C13orf42: variants seen among roughly 807,000 people sequenced by gnomAD.
The protein encoded by C13orf42 is uncharacterized protein C13orf42.
chr13:51,084,677 G>A (rs1372397251), intron 3 of C13orf42, among the ~76,000 whole-genome samples: 1 of 152,254 alleles, frequency 6.6e-6, no homozygotes, highest in Admixed American at 6.5e-5. Context: ...GGCTTGACAG[G>A]CCCTTCCGTT....
At chr13:51,132,541 T>C (rs368920546) in intron 1 of C13orf42, among the ~76,000 whole-genome samples, 11 of 152,298 alleles carry the variant, frequency 7.2e-5, no homozygotes, top group African/African-American at 2.6e-4. Context: ...TGAGTGTCCC[T>C]CAACATACTT....
chr13:51,122,513 G>A (rs184872636), intron 1 of C13orf42, among the ~76,000 whole-genome samples: 9 of 145,144 alleles, frequency 6.2e-5, no homozygotes, highest in African/African-American at 7.7e-5. Flanking sequence ...CAGCCTGGGC[G>A]ACAGAGCAAG....
intron 1 of C13orf42, among the ~76,000 whole-genome samples, chr13:51,139,865 G>C (rs565580587): frequency 1.3e-5 from 2 of 152,196 alleles, no homozygotes; most frequent in East Asian, 3.8e-4. Context: ...TAGCCATTTT[G>C]TTATTCCTTT....
intron 1 of C13orf42, among the ~76,000 whole-genome samples, chr13:51,148,593 A>AG (rs1169728189): frequency 1.1e-4 from 16 of 152,178 alleles, no homozygotes; most frequent in Non-Finnish European, 1.9e-4. Flanking sequence ...GTCCCCCTGG[A>AG]GGGGGGTCCA....
At chr13:51,086,513 AGTGT>A (rs138993415) in intron 2 of C13orf42, among the ~76,000 whole-genome samples, 11 of 150,536 alleles carry the variant, frequency 7.3e-5, no homozygotes, top group African/African-American at 2.2e-4. Context: ...TGAGAGAGAG[AGTGT>A]GTGTGTGTGT....
intron 1 of C13orf42, chr13:51,161,907 A>G: frequency 2.0e-6 from 1 of 494,498 alleles, no homozygotes; most frequent in Admixed American, 2.0e-5. Context: ...GCATCCAAAC[A>G]GCAGGTAAAG....
chr13:51,088,521 T>C (rs559980220), intron 1 of C13orf42, among the ~76,000 whole-genome samples: 1 of 152,290 alleles, frequency 6.6e-6, no homozygotes, highest in South Asian at 2.1e-4. Flanking sequence ...AACTCAATTG[T>C]ACATTTTTAA....
intron 1 of C13orf42, among the ~76,000 whole-genome samples, chr13:51,148,124 C>T (rs896252933): frequency 1.3e-5 from 2 of 152,168 alleles, no homozygotes; most frequent in Non-Finnish European, 2.9e-5. Flanking sequence ...ATGTGATTTC[C>T]GTAAAATCCC....
intron 1 of C13orf42, among the ~76,000 whole-genome samples, chr13:51,106,625 G>T (rs1953358920): frequency 6.6e-6 from 1 of 152,142 alleles, no homozygotes; most frequent in African/African-American, 2.4e-5. Flanking sequence ...TTTGGAGGGT[G>T]ATTAGAAGTC....
chr13:51,085,109 C>A (rs992506199), intron 3 of C13orf42, among the ~76,000 whole-genome samples: 1 of 151,404 alleles, frequency 6.6e-6, no homozygotes, highest in East Asian at 1.9e-4. Context: ...AAGTTAGGAG[C>A]AGTGCACCAG....
chr13:51,135,092 C>A (rs1953647643), intron 1 of C13orf42, among the ~76,000 whole-genome samples: 1 of 152,178 alleles, frequency 6.6e-6, no homozygotes, highest in South Asian at 2.1e-4. Context: ...CTCTTGGGAG[C>A]CAGTTTTCAG....
At chr13:51,112,073 T>C (rs1953441452), upstream of C13orf42, among the ~76,000 whole-genome samples, 1 of 152,254 alleles carries the variant, frequency 6.6e-6, no homozygotes, top group African/African-American at 2.4e-5. Context: ...AGACATAAAC[T>C]GTTTTTTCAA....
rs981830638 is a variant in C13orf42 at position 51,127,093 on chromosome 13, G to T, written n.137-13871C>A. Among the ~76,000 whole-genome samples the T allele has an allele frequency of 6.6e-5, 10 of 152,216 alleles. No homozygotes were observed. In the East Asian group the frequency reaches 1.9e-3, roughly 29 times the overall value. On this transcript the variant is annotated intron_variant and non_coding_transcript_variant, in intron 1 of 4. Transcript: ENST00000433280. Reference sequence around the variant, plus strand: ...CAGGCAGGAGGATTACTTGAGCCAGGGAGGACAAGGCTACAGTGAGCTGTG... The same window carrying T: ...CAGGCAGGAGGATTACTTGAGCCAGTGAGGACAAGGCTACAGTGAGCTGTG...
At chr13:51,100,783 T>C (rs1953282117) in intron 1 of C13orf42, among the ~76,000 whole-genome samples, 1 of 152,170 alleles carries the variant, frequency 6.6e-6, no homozygotes. Context: ...TAAAAAATAA[T>C]GACCTTTGGC....
intron 1 of C13orf42, among the ~76,000 whole-genome samples, chr13:51,121,534 T>A (rs1227747633): frequency 2.6e-5 from 3 of 114,494 alleles, no homozygotes; most frequent in African/African-American, 8.1e-5. Flanking sequence ...CTGAAAAAAA[T>A]TTTCTTTTTT....
At chr13:51,138,636 T>C (rs1047892610) in intron 1 of C13orf42, among the ~76,000 whole-genome samples, 2 of 152,174 alleles carry the variant, frequency 1.3e-5, no homozygotes, top group Non-Finnish European at 2.9e-5. Flanking sequence ...ATACTGTTGA[T>C]GGAAATGCAA....
chr13:51,101,366 C>T (rs910387577), intron 1 of C13orf42, among the ~76,000 whole-genome samples: 4 of 152,086 alleles, frequency 2.6e-5, no homozygotes, highest in African/African-American at 9.7e-5. Context: ...TTATGAATTT[C>T]ATCTTATAAG....
intron 1 of C13orf42, among the ~76,000 whole-genome samples, chr13:51,103,016 A>T (rs964591910): frequency 4.3e-4 from 65 of 152,182 alleles, no homozygotes; most frequent in African/African-American, 1.3e-3. Flanking sequence ...CGTGGGGATT[A>T]CAATTTGAGA....
At chr13:51,097,450 A>G (rs573899510) in intron 1 of C13orf42, among the ~76,000 whole-genome samples, 7 of 152,300 alleles carry the variant, frequency 4.6e-5, no homozygotes, top group African/African-American at 1.7e-4. Context: ...TTTTCTAAGT[A>G]CCAAGTCTAA....
Sources: allele counts gnomAD v4.1 joint callset (sites outside exome capture counted in the v4.1 genomes callset), GRCh38; gene constraint gnomAD v4.1.1; transcripts MANE v1.5; gene names NCBI Gene and HGNC (gene_info 2026-07-23, HGNC 2026-07-21).